Variants in ZBTB20 observed in about 807,000 individuals in gnomAD.
ZBTB20 encodes zinc finger and BTB domain containing 20.
In ZBTB20, 9 loss-of-function variants were observed where a neutral mutation model predicts 56.9. That is an observed-to-expected ratio of 0.16 (90% CI 0.10 to 0.28). The LOEUF is 0.28. Ranked by LOEUF, ZBTB20 falls within the 10% of genes least tolerant of loss-of-function variation. ZBTB20 has a pLI of 1.00. For synonymous variants in ZBTB20, 417 were observed against 420.7 expected (o/e 0.99, Z 0.11); for missense variants, 655 against 1,003.0 (o/e 0.65, Z 4.69).
chr3:114,372,988 C>T (rs2108461164), intron 10 of ZBTB20, among the ~76,000 whole-genome samples: 1 of 152,180 alleles, frequency 6.6e-6, no homozygotes, highest in East Asian at 1.9e-4. Context: ...GCAATCTCGG[C>T]TCACTGCAAC....
intron 7 of ZBTB20, among the ~76,000 whole-genome samples, chr3:114,476,517 G>A (rs1323526349): frequency 1.3e-5 from 2 of 152,212 alleles, no homozygotes; most frequent in African/African-American, 4.8e-5. Flanking sequence ...GAAGGTACTG[G>A]CATCTGGTGA....
At chr3:114,706,692 G>T (rs535307339) in intron 5 of ZBTB20, among the ~76,000 whole-genome samples, 3 of 152,006 alleles carry the variant, frequency 2.0e-5, no homozygotes, top group Non-Finnish European at 2.9e-5. Flanking sequence ...CTGCTGCAAG[G>T]TCACAGATAC....
Position 114,407,913 on chromosome 3 carries a change from G to T in ZBTB20, c.-254-18808C>A, listed in dbSNP as rs535232654. Among the ~76,000 whole-genome samples the T allele has an allele frequency of 1.5e-3, 148 of 97,758 alleles. 4 individuals are homozygous for T. Among genetic ancestry groups the T allele is most frequent in the Admixed American group, 0.014 (110 of 7,966 alleles). 64.1% of individuals were successfully genotyped at this position (97,758 alleles called of 152,430 possible). ...GGAAACCAAATGTAACCTATATGAGGGGGGGGAAACATCTTTAACTACTTT... is the reference window on the plus strand; with the variant it reads ...GGAAACCAAATGTAACCTATATGAGTGGGGGGAAACATCTTTAACTACTTT... On this transcript the variant is annotated intron_variant, in intron 7 of 11. Transcript: ENST00000675478.
chr3:114,595,342 C>G (rs1405136654), intron 6 of ZBTB20, among the ~76,000 whole-genome samples: 1 of 152,194 alleles, frequency 6.6e-6, no homozygotes, highest in Admixed American at 6.5e-5. Context: ...ATTTCCCTTT[C>G]TGATGAGAAA....
chr3:114,554,079 C>T (rs983124105), intron 6 of ZBTB20, among the ~76,000 whole-genome samples: 25 of 152,108 alleles, frequency 1.6e-4, no homozygotes, highest in Non-Finnish European at 3.4e-4. Context: ...CCTTGTCAGC[C>T]TCACGTATTC....
chr3:114,610,152 A>G (rs899458590), intron 6 of ZBTB20, among the ~76,000 whole-genome samples: 3 of 152,132 alleles, frequency 2.0e-5, no homozygotes, highest in Non-Finnish European at 4.4e-5. Context: ...TTGCCCATCA[A>G]AGAGCTGTGC....
chr3:114,659,257 T>C (rs2060584298), intron 6 of ZBTB20, among the ~76,000 whole-genome samples: 1 of 152,200 alleles, frequency 6.6e-6, no homozygotes, highest in Non-Finnish European at 1.5e-5. Flanking sequence ...CTGCCTTATC[T>C]AACCTTCCTC....
chr3:114,603,039 C>A (rs2056880432), intron 6 of ZBTB20, among the ~76,000 whole-genome samples: 1 of 152,012 alleles, frequency 6.6e-6, no homozygotes, highest in African/African-American at 2.4e-5. Context: ...ATTTTACTAC[C>A]AGTGAGATTT....
At chr3:114,639,828 T>C (rs918303550) in intron 6 of ZBTB20, among the ~76,000 whole-genome samples, 1 of 152,036 alleles carries the variant, frequency 6.6e-6, no homozygotes, top group Non-Finnish European at 1.5e-5. Context: ...GAGCATTTCA[T>C]AGGCAGAATT....
intron 1 of ZBTB20, among the ~76,000 whole-genome samples, chr3:115,077,740 T>C (rs902716899): frequency 6.6e-6 from 1 of 152,158 alleles, no homozygotes. Flanking sequence ...AAGACAAGTG[T>C]TGATGAGGAT....
intron 2 of ZBTB20, among the ~76,000 whole-genome samples, chr3:115,070,437 G>A (rs941435318): frequency 2.6e-5 from 4 of 152,082 alleles, no homozygotes; most frequent in African/African-American, 7.2e-5. Context: ...ATGGCAGCAG[G>A]TAAACAGATG....
intron 6 of ZBTB20, among the ~76,000 whole-genome samples, chr3:114,535,662 A>G (rs1237525699): frequency 6.6e-6 from 1 of 152,230 alleles, no homozygotes; most frequent in Non-Finnish European, 1.5e-5. Flanking sequence ...TCATCCTGAT[A>G]CCAAAACCTG....
chr3:114,598,856 A>G (rs1024706535), intron 6 of ZBTB20, among the ~76,000 whole-genome samples: 1 of 152,118 alleles, frequency 6.6e-6, no homozygotes, highest in Non-Finnish European at 1.5e-5. Flanking sequence ...CAGCCTTGTA[A>G]TTCTCTGACC....
intron 4 of ZBTB20, among the ~76,000 whole-genome samples, chr3:114,885,595 T>C (rs1021047532): frequency 1.3e-5 from 2 of 151,852 alleles, no homozygotes; most frequent in African/African-American, 4.8e-5. Flanking sequence ...CGGCAACAGA[T>C]ACAAGACAAA....
chr3:115,120,262 T>C (rs2084145450), intron 1 of ZBTB20, among the ~76,000 whole-genome samples: 1 of 152,120 alleles, frequency 6.6e-6, no homozygotes, highest in African/African-American at 2.4e-5. Context: ...TGGTGGAGGC[T>C]ATGTATGTGG....
chr3:114,426,337 C>CAAA (rs60778829), intron 7 of ZBTB20, among the ~76,000 whole-genome samples: 19 of 109,508 alleles, frequency 1.7e-4, no homozygotes, highest in African/African-American at 8.2e-4. Flanking sequence ...GACTCCATCT[C>CAAA]AAAAAAAAAA....
chr3:115,109,863 T>C (rs1010752785), intron 1 of ZBTB20, among the ~76,000 whole-genome samples: 2 of 152,136 alleles, frequency 1.3e-5, no homozygotes, highest in African/African-American at 4.8e-5. Flanking sequence ...TATTAAAAAA[T>C]AGCTTTCAAA....
chr3:114,949,339 T>C (rs185669193), intron 3 of ZBTB20, among the ~76,000 whole-genome samples: 2 of 146,670 alleles, frequency 1.4e-5, no homozygotes, highest in Admixed American at 1.3e-4. Context: ...ACAAAGGAAA[T>C]GTCTTTATGA....
At chr3:114,909,582 C>G (rs1296679604) in intron 3 of ZBTB20, among the ~76,000 whole-genome samples, 2 of 151,930 alleles carry the variant, frequency 1.3e-5, no homozygotes, top group African/African-American at 4.8e-5. Context: ...AGAGCAACTT[C>G]CAGTCTTGCA....
Sources: gnomAD v4.1 joint callset for allele counts (sites outside exome capture counted in the v4.1 genomes callset) on GRCh38, gnomAD v4.1.1 for gene constraint, MANE v1.5 for transcripts, NCBI Gene and HGNC (gene_info 2026-07-23, HGNC 2026-07-21) for gene names.